Variants in LRRC4C observed in about 807,000 individuals in gnomAD.
The protein encoded by LRRC4C is leucine-rich repeat-containing protein 4C.
A neutral mutation model predicts 33.6 loss-of-function variants in LRRC4C; 5 were observed. That is an observed-to-expected ratio of 0.15 (90% CI 0.08 to 0.31). The LOEUF (loss-of-function observed/expected upper bound fraction) is 0.31, where lower values mean the gene tolerates loss of function less well. Ranked by LOEUF, LRRC4C falls within the 10% of genes least tolerant of loss-of-function variation. The probability of loss-of-function intolerance (pLI) is 1.00; values close to 1 mark genes in which losing one functional copy is unlikely to be tolerated. For synonymous variants in LRRC4C, 329 were observed against 302.0 expected, an observed-to-expected ratio of 1.09 and a Z score of -0.93; for missense variants, 560 against 796.7, an observed-to-expected ratio of 0.70 and a Z score of 3.58.
intron 1 of LRRC4C, among the ~76,000 whole-genome samples, chr11:41,323,047 T>C (rs1360935549): frequency 1.3e-5 from 2 of 152,060 alleles, no homozygotes; most frequent in African/African-American, 2.4e-5. Context: ...ATAACAAATA[T>C]AAAGAAAGCA....
At chr11:40,293,073 T>C (rs905006466) in intron 4 of LRRC4C, 6 of 152,186 alleles carry the variant, frequency 3.9e-5, no homozygotes, top group African/African-American at 7.3e-5. Context: ...CAGTGCGCAA[T>C]TGAATTTTTG....
chr11:41,409,186 C>T (rs1011244813), intron 1 of LRRC4C, among the ~76,000 whole-genome samples: 1 of 152,144 alleles, frequency 6.6e-6, no homozygotes, highest in Non-Finnish European at 1.5e-5. Flanking sequence ...AGAATATACA[C>T]CACTTTTCCA....
chr11:40,882,234 G>C (rs994145874), intron 2 of LRRC4C, among the ~76,000 whole-genome samples: 7 of 151,964 alleles, frequency 4.6e-5, no homozygotes, highest in African/African-American at 1.7e-4. Flanking sequence ...ACAACAATTT[G>C]CTCATGTTAT....
chr11:40,870,780 G>A (rs1438391577), intron 2 of LRRC4C, among the ~76,000 whole-genome samples: 1 of 152,160 alleles, frequency 6.6e-6, no homozygotes, highest in Admixed American at 6.5e-5. Flanking sequence ...TGTAGAGCAT[G>A]TGTGTTTGAA....
intron 2 of LRRC4C, among the ~76,000 whole-genome samples, chr11:40,680,095 A>G (rs1944609317): frequency 6.6e-6 from 1 of 152,218 alleles, no homozygotes; most frequent in East Asian, 1.9e-4. Context: ...GAATCAAAGG[A>G]GATCATTTTA....
chr11:41,207,652 C>T (rs1404035733), intron 1 of LRRC4C, among the ~76,000 whole-genome samples: 2 of 152,112 alleles, frequency 1.3e-5, no homozygotes, highest in African/African-American at 2.4e-5. Flanking sequence ...TGTGCATGCA[C>T]AAAGCAAAGG....
intron 3 of LRRC4C, among the ~76,000 whole-genome samples, chr11:40,577,337 G>C (rs1334361042): frequency 6.6e-6 from 1 of 152,160 alleles, no homozygotes; most frequent in Non-Finnish European, 1.5e-5. Flanking sequence ...ATACAGACTG[G>C]AGAGAAGTGG....
At chr11:41,278,966 C>T (rs1045702664) in intron 1 of LRRC4C, among the ~76,000 whole-genome samples, 1 of 152,066 alleles carries the variant, frequency 6.6e-6, no homozygotes, top group African/African-American at 2.4e-5. Flanking sequence ...GTTTTTCAAC[C>T]CTTGTCCCCT....
chr11:41,300,956 A>G (rs1950267119), intron 1 of LRRC4C, among the ~76,000 whole-genome samples: 1 of 152,206 alleles, frequency 6.6e-6, no homozygotes, highest in Admixed American at 6.5e-5. Context: ...TGAGGTTGTT[A>G]TGAGTCATCA....
intron 1 of LRRC4C, among the ~76,000 whole-genome samples, chr11:41,129,818 T>G (rs1942928448): frequency 6.6e-6 from 1 of 151,972 alleles, no homozygotes; most frequent in African/African-American, 2.4e-5. Context: ...TGTTACAGGT[T>G]ATAGACCCTT....
intron 3 of LRRC4C, among the ~76,000 whole-genome samples, chr11:40,376,411 G>A (rs1028954411): frequency 6.6e-6 from 1 of 152,152 alleles, no homozygotes; most frequent in African/African-American, 2.4e-5. Context: ...GACGACATCT[G>A]TTAGAATTTT....
intron 1 of LRRC4C, among the ~76,000 whole-genome samples, chr11:41,226,918 T>A (rs960353506): frequency 2.6e-5 from 4 of 152,088 alleles, no homozygotes; most frequent in African/African-American, 7.2e-5. Flanking sequence ...TTTCCTTGTA[T>A]CCTTATTTCA....
intron 3 of LRRC4C, among the ~76,000 whole-genome samples, chr11:40,476,853 G>T (rs1953261621): frequency 6.6e-6 from 1 of 152,012 alleles, no homozygotes; most frequent in Non-Finnish European, 1.5e-5. Context: ...AAATATTATG[G>T]CAGATTTAAA....
At chr11:40,478,373 A>T (rs890978389) in intron 3 of LRRC4C, among the ~76,000 whole-genome samples, 1 of 152,198 alleles carries the variant, frequency 6.6e-6, no homozygotes, top group Non-Finnish European at 1.5e-5. Flanking sequence ...CTTATACTTG[A>T]CAAAAATGTA....
At chr11:40,300,313 T>C (rs1944709075) in intron 4 of LRRC4C, among the ~76,000 whole-genome samples, 1 of 152,040 alleles carries the variant, frequency 6.6e-6, no homozygotes, top group African/African-American at 2.4e-5. Flanking sequence ...CCAAACCATA[T>C]CAGAAACGCT....
At chr11:41,133,633 C>T (rs564613355) in intron 1 of LRRC4C, among the ~76,000 whole-genome samples, 1 of 151,928 alleles carries the variant, frequency 6.6e-6, no homozygotes, top group South Asian at 2.1e-4. Context: ...GCAACAACTT[C>T]CCAGCATTAA....
intron 2 of LRRC4C, among the ~76,000 whole-genome samples, chr11:40,814,209 C>T (rs1417420484): frequency 6.6e-6 from 1 of 152,188 alleles, no homozygotes. Context: ...CAGGCATTTC[C>T]ATACATCTTC....
intron 1 of LRRC4C, among the ~76,000 whole-genome samples, chr11:41,164,522 T>C (rs1050226477): frequency 6.6e-6 from 1 of 152,198 alleles, no homozygotes; most frequent in African/African-American, 2.4e-5. Context: ...TTTACTATCA[T>C]TTTCAAGTAC....
At position 41,448,122 on chromosome 11, in the gene LRRC4C, G is replaced by GGTTTTTTTTTTTTTTTTTTTT. The variant is rs1554934483; in HGVS notation, c.-496+11308_-496+11309insAAAAAAAAAAAAAAAAAAAAC. 2.6e-3 allele frequency among the ~76,000 whole-genome samples: 123 copies of GGTTTTTTTTTTTTTTTTTTTT among 46,906 alleles called. 8 individuals carry two copies. The highest frequency in any genetic ancestry group is 3.1e-3 in the Non-Finnish European group (70 of 22,914). The allele number at this position is 46,906 out of a possible 152,430, so 30.8% of individuals were successfully genotyped here. On this transcript the variant is annotated intron_variant, in intron 1 of 6. Transcript: ENST00000528697. ...ACAAACGAGGCTGCTGCACACGTCT[G>GGTTTTTTTTTTTTTTTTTTTT]TTTTTTTTTTTTTTTTTTTTGGAGC...
Sources: gnomAD v4.1 joint callset for allele counts (sites outside exome capture counted in the v4.1 genomes callset) on GRCh38, gnomAD v4.1.1 for gene constraint, MANE v1.5 for transcripts, NCBI Gene and HGNC (gene_info 2026-07-23, HGNC 2026-07-21) for gene names.